SPATA6L: variants seen among roughly 807,000 people sequenced by gnomAD.
SPATA6L encodes the protein spermatogenesis associated 6-like protein.
In SPATA6L, 68 loss-of-function variants were observed where a neutral mutation model predicts 49.2. The observed-to-expected ratio is 1.38, with a 90% CI of 1.14 to 1.69. The LOEUF (loss-of-function observed/expected upper bound fraction) is 1.69. SPATA6L is among the 40% of genes most tolerant of loss of function. The pLI is 0.00. For missense variants in SPATA6L, 668 were observed against 464.3 expected, an observed-to-expected ratio of 1.44 and a Z score of -4.03; for synonymous variants, 198 against 165.7, an observed-to-expected ratio of 1.19 and a Z score of -1.50.
At chr9:4,643,852 C>G (rs1455869711) in intron 3 of SPATA6L, among the ~76,000 whole-genome samples, 2 of 151,894 alleles carry the variant, frequency 1.3e-5, no homozygotes, top group Non-Finnish European at 2.9e-5. Flanking sequence ...AAAAAATACA[C>G]AAAAATTAGC....
intron 9 of SPATA6L, among the ~76,000 whole-genome samples, chr9:4,605,977 GGC>G (rs1305673354): frequency 6.6e-6 from 1 of 152,168 alleles, no homozygotes; most frequent in Non-Finnish European, 1.5e-5. Flanking sequence ...GCCGAAGCAG[GGC>G]GAGGCATTGC....
intron 3 of SPATA6L, among the ~76,000 whole-genome samples, chr9:4,642,658 T>G (rs1834292030): frequency 6.6e-6 from 1 of 152,140 alleles, no homozygotes; most frequent in African/African-American, 2.4e-5. Context: ...TTTGCTTTAG[T>G]TGAGACATTT....
intron 7 of SPATA6L, among the ~76,000 whole-genome samples, chr9:4,621,035 G>A (rs1829177868): frequency 1.3e-5 from 2 of 152,194 alleles, no homozygotes; most frequent in Admixed American, 6.5e-5. Flanking sequence ...GTTTCCATAA[G>A]AGACTTAAAA....
chr9:4,592,988 G>T (rs1822006106), intron 13 of SPATA6L, among the ~76,000 whole-genome samples: 1 of 152,180 alleles, frequency 6.6e-6, no homozygotes, highest in African/African-American at 2.4e-5. Context: ...TGCTGAGATT[G>T]TACTAAATAT....
Position 4,600,301 on chromosome 9 carries a change from G to T in SPATA6L, c.*510C>A, listed in dbSNP as rs766814057. 2.8e-4 allele frequency among the ~76,000 whole-genome samples: 43 copies of T among 152,120 alleles called. No individual in the cohort carries two copies. Among genetic ancestry groups the T allele is most frequent in the Non-Finnish European group, 4.4e-4 (30 of 68,036 alleles). ...AATGCTCTCTTTTCCAAGGTTTTTAGTGGACTTCACGTAAATCAAGCCTAA... is the reference window on the plus strand; with the variant it reads ...AATGCTCTCTTTTCCAAGGTTTTTATTGGACTTCACGTAAATCAAGCCTAA... On this transcript the variant is annotated 3_prime_UTR_variant, in exon 12 of 12. Coordinates refer to ENST00000682582, the MANE Select transcript of SPATA6L (RefSeq NM_001353486.2).
intron 3 of SPATA6L, among the ~76,000 whole-genome samples, chr9:4,651,935 G>A (rs766383894): frequency 6.6e-6 from 1 of 152,096 alleles, no homozygotes; most frequent in South Asian, 2.1e-4. Flanking sequence ...ATACTGTACT[G>A]GAGATTCTAG....
downstream of SPATA6L, among the ~76,000 whole-genome samples, chr9:4,596,966 C>A (rs1265445700): frequency 6.6e-6 from 1 of 152,180 alleles, no homozygotes; most frequent in Non-Finnish European, 1.5e-5. Context: ...ATAAGAATAG[C>A]TAATGCTCAC....
At chr9:4,609,062 C>T (rs893518959) in intron 9 of SPATA6L, among the ~76,000 whole-genome samples, 35 of 150,890 alleles carry the variant, frequency 2.3e-4, no homozygotes, top group Middle Eastern at 3.4e-3. Flanking sequence ...TGGATAAATT[C>T]CTCGACACAT....
At chr9:4,623,134 G>C (rs531239608) in intron 6 of SPATA6L, among the ~76,000 whole-genome samples, 1 of 152,132 alleles carries the variant, frequency 6.6e-6, no homozygotes, top group Non-Finnish European at 1.5e-5. Flanking sequence ...ACAAAAATTA[G>C]CTGGGCTTGG....
intron 7 of SPATA6L, among the ~76,000 whole-genome samples, chr9:4,621,925 T>C (rs1200346010): frequency 6.6e-6 from 1 of 152,176 alleles, no homozygotes; most frequent in Non-Finnish European, 1.5e-5. Flanking sequence ...AATTTAAAGG[T>C]TTAAGAACAC....
At chr9:4,646,247 G>C (rs1835347953) in intron 3 of SPATA6L, 1 of 325,042 alleles carries the variant, frequency 3.1e-6, no homozygotes, top group East Asian at 4.9e-5. Flanking sequence ...AAAATGGAAA[G>C]ACAAGGAGTC....
intron 7 of SPATA6L, 21 bp from the exon 8 acceptor site, chr9:4,618,919 C>T (rs1448911750): frequency 9.3e-6 from 15 of 1,611,574 alleles, no homozygotes; most frequent in Middle Eastern, 1.7e-4. Flanking sequence ...GAGGAACAGG[C>T]ATTTCAATGA....
chr9:4,597,210 T>C (rs911503453), downstream of SPATA6L, among the ~76,000 whole-genome samples: 2 of 151,948 alleles, frequency 1.3e-5, no homozygotes, highest in African/African-American at 2.4e-5. Flanking sequence ...CCTAGCATTT[T>C]GGGAGGCCGA....
In SPATA6L at chr9:4,610,328, C is replaced by T. The variant is rs569405080; in HGVS notation, c.996-4888G>A. ...GTTCATATGGAACCAAAAAACAGCC[C>T]GCATCGCCAAGTCAATCCTAAGCCA... On this transcript the variant is annotated intron_variant, in intron 9 of 11. Coordinates refer to ENST00000682582, the MANE Select transcript of SPATA6L (RefSeq NM_001353486.2). 9.4e-5 allele frequency among the ~76,000 whole-genome samples: 14 copies of T among 148,806 alleles called. No homozygotes were observed. In the East Asian group the frequency reaches 1.8e-3, roughly 19 times the overall value.
intron 1 of SPATA6L, among the ~76,000 whole-genome samples, 173 bp downstream of exon 1, chr9:4,666,039 T>C (rs887383089): frequency 2.3e-4 from 33 of 144,110 alleles, no homozygotes; most frequent in African/African-American, 8.5e-4. Flanking sequence ...GAATTAAAGG[T>C]TAGGAAGTCA....
chr9:4,591,869 G>C (rs190304020), intron 13 of SPATA6L, among the ~76,000 whole-genome samples: 275 of 152,130 alleles, frequency 1.8e-3, no homozygotes, highest in African/African-American at 6.4e-3. Flanking sequence ...CCTATTCTTG[G>C]GCATCATTAC....
In SPATA6L at chr9:4,599,330, G is replaced by A. The variant is rs570407716; in HGVS notation, c.*1481C>T. ...TATTTGGCTGAAATTCTAAGAAGAG[G>A]ATAAATGAATTTTGTTTTGTTGTTT... On this transcript the variant is annotated 3_prime_UTR_variant, in exon 12 of 12. Transcript: ENST00000682582. Among the ~76,000 whole-genome samples the A allele has an allele frequency of 6.6e-6, 1 of 152,138 alleles. No individual in the cohort carries two copies.
rs375004235 is a variant in SPATA6L at position 4,644,658 on chromosome 9, TTCTCTCTC to T, written c.227-9267_227-9260del. Among the ~76,000 whole-genome samples, 165 of 143,090 alleles carry T rather than the reference TTCTCTCTC, an allele frequency of 1.2e-3. 1 individual carries two copies. Among genetic ancestry groups the T allele is most frequent in the Non-Finnish European group, 2.0e-3 (131 of 65,844 alleles). The allele number at this position is 143,090 out of a possible 152,430, so 93.9% of individuals were successfully genotyped here. On this transcript the variant is annotated intron_variant, in intron 3 of 11. Coordinates refer to ENST00000682582, the MANE Select transcript of SPATA6L (RefSeq NM_001353486.2). ...AGGAGAATTTTCTGAGTTTTCAGTA[TTCTCTCTC>T]TCTCTCTCTCTCTCTCTCTCACACA... is the stretch of plus-strand genomic sequence containing the variant.
intron 3 of SPATA6L, 23 bp from the exon 4 acceptor site, chr9:4,635,422 A>G: frequency 6.4e-7 from 1 of 1,570,550 alleles, no homozygotes; most frequent in Non-Finnish European, 8.6e-7. Flanking sequence ...TAGAAAAAGC[A>G]TAAATATCTG....
Sources: gnomAD v4.1 joint callset for allele counts (sites outside exome capture counted in the v4.1 genomes callset) on GRCh38, gnomAD v4.1.1 for gene constraint, MANE v1.5 for transcripts, NCBI Gene and HGNC (gene_info 2026-07-23, HGNC 2026-07-21) for gene names.